The following OPCML variants were observed in gnomAD, a reference collection of about 807,000 sequenced individuals.
OPCML encodes opioid-binding protein/cell adhesion molecule.
A neutral mutation model predicts 37.8 loss-of-function variants in OPCML; 13 were observed. The ratio of observed to expected loss-of-function variants is 0.34; its 90% confidence interval spans 0.22 to 0.55. OPCML has a LOEUF of 0.55. Among genes scored for constraint, OPCML ranks in the 20% least tolerant of loss-of-function variants. The probability of loss-of-function intolerance (pLI) is 0.91; values close to 1 mark genes in which losing one functional copy is unlikely to be tolerated. For synonymous variants in OPCML, 176 were observed against 168.8 expected, an observed-to-expected ratio of 1.04 and a Z score of -0.33; for missense variants, 341 against 435.6, an observed-to-expected ratio of 0.78 and a Z score of 1.93.
intron 3 of OPCML, 92 bp from the exon 4 acceptor site, chr11:132,529,278 T>C (rs1565640322): frequency 6.9e-7 from 1 of 1,441,098 alleles, no homozygotes; most frequent in Non-Finnish European, 9.3e-7. Flanking sequence ...TAGCATGTTT[T>C]TATAATAAAT....
At chr11:132,781,663 A>G (rs1947022027) in intron 2 of OPCML, among the ~76,000 whole-genome samples, 1 of 151,092 alleles carries the variant, frequency 6.6e-6, no homozygotes, top group African/African-American at 2.4e-5. Flanking sequence ...TACAATAACC[A>G]TGGGGTGTTC....
chr11:132,812,981 ACCT>A (rs1379214413), intron 2 of OPCML, among the ~76,000 whole-genome samples: 1 of 152,114 alleles, frequency 6.6e-6, no homozygotes, highest in African/African-American at 2.4e-5. Flanking sequence ...ACTAAATGAG[ACCT>A]CCCTGAAAAC....
intron 2 of OPCML, among the ~76,000 whole-genome samples, chr11:132,922,221 T>C (rs1325696532): frequency 6.6e-6 from 1 of 152,098 alleles, no homozygotes; most frequent in Admixed American, 6.5e-5. Flanking sequence ...CATTTTATTA[T>C]TTGGTGTTAA....
At chr11:132,573,474 C>A (rs1349302116) in intron 3 of OPCML, among the ~76,000 whole-genome samples, 3 of 151,952 alleles carry the variant, frequency 2.0e-5, no homozygotes, top group Admixed American at 1.3e-4. Context: ...AAGGACATTA[C>A]ATTTTGTCCA....
chr11:132,810,434 G>A (rs1010613953), intron 2 of OPCML, among the ~76,000 whole-genome samples: 3 of 152,138 alleles, frequency 2.0e-5, no homozygotes, highest in South Asian at 2.1e-4. Flanking sequence ...GGCAGGGCAC[G>A]GTGGCTCACG....
chr11:133,490,131 T>C (rs999064144), intron 1 of OPCML, among the ~76,000 whole-genome samples: 3 of 152,152 alleles, frequency 2.0e-5, no homozygotes, highest in African/African-American at 7.2e-5. Context: ...GGGTTTGTTT[T>C]ACTCCTTCAG....
At chr11:133,122,173 T>C (rs1949432872) in intron 1 of OPCML, among the ~76,000 whole-genome samples, 1 of 152,208 alleles carries the variant, frequency 6.6e-6, no homozygotes, top group Non-Finnish European at 1.5e-5. Flanking sequence ...CCTTGTCTAC[T>C]GCACTGTGTT....
chr11:133,519,492 C>T (rs1338058717), intron 1 of OPCML, among the ~76,000 whole-genome samples: 1 of 152,050 alleles, frequency 6.6e-6, no homozygotes, highest in East Asian at 1.9e-4. Context: ...CCAGATGTCA[C>T]CACCAAAATA....
intron 3 of OPCML, among the ~76,000 whole-genome samples, chr11:132,619,573 C>A (rs376550190): frequency 6.6e-6 from 1 of 151,856 alleles, no homozygotes; most frequent in Non-Finnish European, 1.5e-5. Flanking sequence ...GGTGCGGTGG[C>A]TCATGCCTGT....
chr11:132,887,825 C>T (rs923241074), intron 2 of OPCML, among the ~76,000 whole-genome samples: 3 of 152,216 alleles, frequency 2.0e-5, no homozygotes, highest in African/African-American at 4.8e-5. Context: ...TCTTCTACTA[C>T]GCTTAGCTTT....
At chr11:132,657,034 C>A in intron 3 of OPCML, 53 bp downstream of exon 3, 1 of 1,590,240 alleles carries the variant, frequency 6.3e-7, no homozygotes, top group South Asian at 1.2e-5. Flanking sequence ...CAACACTGTT[C>A]TTCCCCTCCA....
chr11:132,791,680 A>G (rs912686033), intron 2 of OPCML, among the ~76,000 whole-genome samples: 2 of 152,166 alleles, frequency 1.3e-5, no homozygotes, highest in East Asian at 3.9e-4. Flanking sequence ...CCTACTGTGC[A>G]TGCACTCGGC....
At chr11:133,172,915 C>G (rs143946056) in intron 1 of OPCML, among the ~76,000 whole-genome samples, 58 of 152,218 alleles carry the variant, frequency 3.8e-4, no homozygotes, top group African/African-American at 1.4e-3. Flanking sequence ...AAGGTAAGTA[C>G]TATTTGGAAG....
chr11:132,464,464 T>A (rs2136925694), intron 4 of OPCML, among the ~76,000 whole-genome samples: 1 of 152,344 alleles, frequency 6.6e-6, no homozygotes, highest in East Asian at 1.9e-4. Context: ...AGAACTATGC[T>A]TAGTTCATGG....
At chr11:133,099,339 C>T (rs1162966761) in intron 1 of OPCML, among the ~76,000 whole-genome samples, 9 of 151,496 alleles carry the variant, frequency 5.9e-5, no homozygotes, top group Non-Finnish European at 7.4e-5. Flanking sequence ...CTCAGCTCAC[C>T]GCAAGCTCCA....
chr11:133,425,432 CT>C (rs1945982762), intron 1 of OPCML, among the ~76,000 whole-genome samples: 1 of 152,174 alleles, frequency 6.6e-6, no homozygotes. Context: ...TTTTGTTGAG[CT>C]CTTCTGTGAC....
intron 2 of OPCML, among the ~76,000 whole-genome samples, chr11:132,874,397 C>T (rs950466074): frequency 7.0e-6 from 1 of 143,382 alleles, no homozygotes; most frequent in Non-Finnish European, 1.5e-5. Context: ...TTTATCTTTC[C>T]CTCCCTCCCT....
At chr11:133,268,090 C>T (rs559721987) in intron 1 of OPCML, among the ~76,000 whole-genome samples, 79 of 152,302 alleles carry the variant, frequency 5.2e-4, no homozygotes, top group Non-Finnish European at 9.9e-4. Flanking sequence ...CTATGTTTTT[C>T]CCTTTCTCTC....
At chr11:132,659,683 T>A (rs77842604) in intron 2 of OPCML, among the ~76,000 whole-genome samples, 2,472 of 151,908 alleles carry the variant, frequency 0.016, 69 homozygotes, top group African/African-American at 0.057. Context: ...CATTTAAAAA[T>A]TTTTTTAAGT....
Sources: allele counts gnomAD v4.1 joint callset (sites outside exome capture counted in the v4.1 genomes callset), GRCh38; gene constraint gnomAD v4.1.1; transcripts MANE v1.5; gene names NCBI Gene and HGNC (gene_info 2026-07-23, HGNC 2026-07-21).